The following MNAT1 variants were observed in gnomAD, a reference collection of about 807,000 sequenced individuals.
MNAT1 encodes the protein MNAT1 component of CDK activating kinase.
Under a neutral mutation model 42.0 loss-of-function variants are expected in MNAT1, and 43 were observed. The ratio of observed to expected loss-of-function variants is 1.02; its 90% CI spans 0.80 to 1.32. MNAT1 has a LOEUF of 1.32. Among genes scored for constraint, MNAT1 ranks in the 40% most tolerant of loss-of-function variants. The pLI is 0.00. For synonymous variants in MNAT1, 118 were observed against 120.0 expected, an observed-to-expected ratio of 0.98 and a Z score of 0.11; for missense variants, 306 against 350.4, an observed-to-expected ratio of 0.87 and a Z score of 1.01.
intron 6 of MNAT1, among the ~76,000 whole-genome samples, chr14:60,821,228 T>C (rs2032881452): frequency 6.6e-6 from 1 of 152,176 alleles, no homozygotes; most frequent in South Asian, 2.1e-4. Flanking sequence ...GTGATCCTCC[T>C]GCCTTGGCCT....
chr14:60,809,298 T>G (rs1347104423), intron 4 of MNAT1, among the ~76,000 whole-genome samples: 1 of 152,166 alleles, frequency 6.6e-6, no homozygotes, highest in Admixed American at 6.5e-5. Context: ...ACTTCCTCCT[T>G]GTAGTCTTAT....
chr14:60,817,411 C>T (rs1163446621), intron 5 of MNAT1, among the ~76,000 whole-genome samples: 1 of 151,836 alleles, frequency 6.6e-6, no homozygotes, highest in Non-Finnish European at 1.5e-5. Flanking sequence ...AATGATTTTG[C>T]TCCTTAATAA....
chr14:60,917,696 C>T (rs1401250060), intron 7 of MNAT1, among the ~76,000 whole-genome samples: 2 of 150,664 alleles, frequency 1.3e-5, no homozygotes, highest in Non-Finnish European at 2.9e-5. Flanking sequence ...GATCTCGGCT[C>T]ACTGCAACCT....
intron 6 of MNAT1, among the ~76,000 whole-genome samples, chr14:60,842,874 A>T (rs1008065400): frequency 1.3e-5 from 2 of 152,224 alleles, no homozygotes; most frequent in Non-Finnish European, 2.9e-5. Flanking sequence ...ACATTAGCCC[A>T]GCATCATGAG....
At chr14:60,885,611 TTTG>T (rs1462926736) in intron 7 of MNAT1, among the ~76,000 whole-genome samples, 1 of 152,064 alleles carries the variant, frequency 6.6e-6, no homozygotes, top group African/African-American at 2.4e-5. Flanking sequence ...GTTATTTGGT[TTTG>T]TTTGCCTTTG....
At position 60,798,106 on chromosome 14, in the gene MNAT1, G is replaced by T. The variant is rs763740169; in HGVS notation, c.262G>T (p.Asp88Tyr). The T allele has an allele frequency of 6.7e-7, 1 of 1,494,290 alleles. No individual in the cohort carries two copies. The highest frequency in any genetic ancestry group is 1.1e-5 in the South Asian group (1 of 87,276). The allele number at this position is 1,494,290 out of a possible 1,614,324, so 92.6% of individuals were successfully genotyped here. A position where few individuals can be genotyped will look rare whatever the true frequency, so the allele number is the denominator to read the frequency against. Residue 88 changes from aspartate (D) to tyrosine (Y), a missense_variant, in exon 3 of 8, where the codon GAT becomes TAT. Physicochemically the swap from Asp to Tyr is radical, Grantham distance 160. Transcript: ENST00000261245. ...VLKIYNKREE[D>Y]FPSLREYNDF... is the part of the protein sequence containing the mutation. ...TTAAAGATACAATAAAAGGGAAGAA[G>T]ATTTTCCTAGTCTAAGAGAATACAA... is the stretch of plus-strand genomic sequence containing the variant.
At chr14:60,825,675 T>C (rs1159250572) in intron 6 of MNAT1, among the ~76,000 whole-genome samples, 1 of 152,220 alleles carries the variant, frequency 6.6e-6, no homozygotes, top group African/African-American at 2.4e-5. Flanking sequence ...ATTTAAAAGA[T>C]GATGCTGAAA....
intron 6 of MNAT1, 35 bp from the exon 7 acceptor site, chr14:60,879,679 A>T (rs1374365968): frequency 6.4e-7 from 1 of 1,566,216 alleles, no homozygotes; most frequent in East Asian, 2.2e-5. Flanking sequence ...GAAAATAATA[A>T]TAAGAGGTAT....
At chr14:60,798,567 G>A (rs956431326) in intron 3 of MNAT1, among the ~76,000 whole-genome samples, 1 of 152,068 alleles carries the variant, frequency 6.6e-6, no homozygotes, top group African/African-American at 2.4e-5. Context: ...GTGCTTCTGT[G>A]GATATAGTAG....
intron 1 of MNAT1, among the ~76,000 whole-genome samples, chr14:60,757,134 A>G (rs1164364763): frequency 6.6e-6 from 1 of 152,188 alleles, no homozygotes; most frequent in East Asian, 1.9e-4. Context: ...GAAACATAAC[A>G]CAGAGTACTA....
At chr14:60,807,284 C>T (rs1034911633) in intron 3 of MNAT1, among the ~76,000 whole-genome samples, 26 of 152,070 alleles carry the variant, frequency 1.7e-4, no homozygotes, top group African/African-American at 6.0e-4. Flanking sequence ...GTTGGTCCTC[C>T]GGTGTTACTT....
At chr14:60,761,360 A>G (rs553229068) in intron 1 of MNAT1, among the ~76,000 whole-genome samples, 15 of 152,222 alleles carry the variant, frequency 9.9e-5, no homozygotes, top group Non-Finnish European at 1.5e-4. Context: ...TAACTAAGAC[A>G]AACATTTCAG....
chr14:60,873,377 C>T (rs2034370276), intron 6 of MNAT1, among the ~76,000 whole-genome samples: 2 of 152,054 alleles, frequency 1.3e-5, no homozygotes, highest in African/African-American at 4.8e-5. Flanking sequence ...CCATTTTGGA[C>T]AATTCAGAAA....
intron 6 of MNAT1, among the ~76,000 whole-genome samples, chr14:60,879,353 T>C (rs2034498771): frequency 6.6e-6 from 1 of 152,214 alleles, no homozygotes; most frequent in African/African-American, 2.4e-5. Flanking sequence ...CAAGTTTGTT[T>C]TGGTGCAAAT....
intron 7 of MNAT1, among the ~76,000 whole-genome samples, chr14:60,898,140 TGCGC>T (rs761629129): frequency 3.8e-3 from 38 of 10,102 alleles, no homozygotes; most frequent in African/African-American, 8.8e-3. Context: ...TGTGTGTGTG[TGCGC>T]GCGCCACATT....
intron 6 of MNAT1, among the ~76,000 whole-genome samples, chr14:60,862,135 T>C (rs1342157280): frequency 3.3e-5 from 5 of 152,192 alleles, no homozygotes; most frequent in Non-Finnish European, 1.5e-5. Flanking sequence ...GAAGGCAGGT[T>C]TTTACTAATT....
chr14:60,916,793 AT>A (rs2035525771), intron 7 of MNAT1, among the ~76,000 whole-genome samples: 1 of 152,090 alleles, frequency 6.6e-6, no homozygotes, highest in Non-Finnish European at 1.5e-5. Context: ...CTTTACTAAA[AT>A]ATAAAAAAAT....
At chr14:60,880,055 T>C in intron 7 of MNAT1, 1 of 314,514 alleles carries the variant, frequency 3.2e-6, no homozygotes, top group Non-Finnish European at 5.7e-6. Context: ...TTCGTTCTTT[T>C]AGAAGTCTGT....
At chr14:60,752,383 A>G (rs1160702342) in intron 1 of MNAT1, among the ~76,000 whole-genome samples, 1 of 152,154 alleles carries the variant, frequency 6.6e-6, no homozygotes, top group East Asian at 1.9e-4. Flanking sequence ...AATGTATTTT[A>G]AAATAGATTT....
Sources: allele counts gnomAD v4.1 joint callset (sites outside exome capture counted in the v4.1 genomes callset), GRCh38; gene constraint gnomAD v4.1.1; transcripts MANE v1.5; gene names NCBI Gene and HGNC (gene_info 2026-07-23, HGNC 2026-07-21).